The following RALYL variants were observed in gnomAD, a reference collection of about 807,000 sequenced individuals.
RALYL encodes the protein RNA-binding Raly-like protein.
RALYL carries 29 observed loss-of-function variants against 35.1 expected under a neutral mutation model. The observed-to-expected ratio is 0.83, with a 90% CI of 0.61 to 1.13. The LOEUF (loss-of-function observed/expected upper bound fraction) is 1.13, where lower values mean the gene tolerates loss of function less well. RALYL is among the 50% of genes most tolerant of loss of function. The pLI, the probability that RALYL is intolerant of heterozygous loss-of-function variation, is 0.00. For missense variants in RALYL, 359 were observed against 360.4 expected (o/e 1.00, Z 0.03); for synonymous variants, 120 against 127.6 (o/e 0.94, Z 0.40).
At chr8:84,185,469 C>T (rs748107129) in intron 1 of RALYL, among the ~76,000 whole-genome samples, 1 of 152,100 alleles carries the variant, frequency 6.6e-6, no homozygotes, top group Non-Finnish European at 1.5e-5. Context: ...TATAATTTAG[C>T]ATTACTTTTC....
At chr8:84,837,911 C>A (rs954584192) in intron 4 of RALYL, among the ~76,000 whole-genome samples, 5 of 152,136 alleles carry the variant, frequency 3.3e-5, no homozygotes, top group African/African-American at 7.2e-5. Context: ...GCAATAGAAA[C>A]CTCAGCATTT....
intron 2 of RALYL, among the ~76,000 whole-genome samples, chr8:84,755,507 T>TGATG (rs1811174794): frequency 6.6e-6 from 1 of 152,186 alleles, no homozygotes; most frequent in Admixed American, 6.6e-5. Context: ...TGGACTTCAG[T>TGATG]TCAGTCCTGT....
intron 1 of RALYL, among the ~76,000 whole-genome samples, chr8:84,400,578 A>G (rs1237213607): frequency 2.6e-5 from 4 of 152,206 alleles, no homozygotes; most frequent in Non-Finnish European, 5.9e-5. Flanking sequence ...GATGGTGGCT[A>G]AGGAAGGGAA....
At chr8:84,670,799 T>C (rs1833059530) in intron 2 of RALYL, among the ~76,000 whole-genome samples, 1 of 152,186 alleles carries the variant, frequency 6.6e-6, no homozygotes, top group Non-Finnish European at 1.5e-5. Context: ...TAATTCAAGA[T>C]GAGATTTGGG....
intron 1 of RALYL, among the ~76,000 whole-genome samples, chr8:84,326,904 A>G (rs1331588737): frequency 6.6e-6 from 1 of 152,138 alleles, no homozygotes. Flanking sequence ...CTAGGCATCC[A>G]TGTACTTGTC....
chr8:84,917,063 C>A (rs1423238729), intron 8 of RALYL, among the ~76,000 whole-genome samples: 1 of 152,054 alleles, frequency 6.6e-6, no homozygotes, highest in African/African-American at 2.4e-5. Flanking sequence ...TATACAGTAA[C>A]TTAAATTCTA....
At chr8:84,425,026 A>T (rs1212767085) in intron 1 of RALYL, among the ~76,000 whole-genome samples, 1 of 152,152 alleles carries the variant, frequency 6.6e-6, no homozygotes, top group South Asian at 2.1e-4. Context: ...CTGCCCCCAG[A>T]GGTGGAGCCT....
intron 4 of RALYL, among the ~76,000 whole-genome samples, chr8:84,833,153 G>A (rs934444016): frequency 5.9e-5 from 9 of 152,018 alleles, no homozygotes; most frequent in Admixed American, 5.2e-4. Flanking sequence ...TTTTTATATA[G>A]GGTCATTGTC....
At chr8:84,836,668 T>C (rs2134479377) in intron 4 of RALYL, among the ~76,000 whole-genome samples, 1 of 152,300 alleles carries the variant, frequency 6.6e-6, no homozygotes, top group Non-Finnish European at 1.5e-5. Context: ...AGTTTGTAAA[T>C]TTGTTTAACT....
chr8:84,573,133 C>A (rs1168615745), intron 2 of RALYL, among the ~76,000 whole-genome samples: 1 of 150,602 alleles, frequency 6.6e-6, no homozygotes, highest in Non-Finnish European at 1.5e-5. Context: ...TATTTTTTTA[C>A]TTTATCCCTT....
chr8:84,483,150 T>C (rs895201873), intron 1 of RALYL, among the ~76,000 whole-genome samples: 3 of 152,126 alleles, frequency 2.0e-5, no homozygotes, highest in Non-Finnish European at 4.4e-5. Context: ...AAAATAGAGA[T>C]AACATTGTTT....
chr8:84,443,825 C>A (rs2048585757), intron 1 of RALYL, among the ~76,000 whole-genome samples: 1 of 152,082 alleles, frequency 6.6e-6, no homozygotes, highest in Admixed American at 6.6e-5. Context: ...GCTTCACCTA[C>A]TTCTTAATTA....
chr8:84,259,310 C>T (rs188879456), intron 1 of RALYL, among the ~76,000 whole-genome samples: 2 of 152,244 alleles, frequency 1.3e-5, no homozygotes, highest in Admixed American at 1.3e-4. Context: ...CTCTAAATTC[C>T]CCTCCAACTT....
At chr8:84,626,679 G>A (rs922047631) in intron 2 of RALYL, among the ~76,000 whole-genome samples, 1 of 152,058 alleles carries the variant, frequency 6.6e-6, no homozygotes, top group Non-Finnish European at 1.5e-5. Flanking sequence ...CACTGAAAAA[G>A]CATAAATATA....
Position 84,774,581 on chromosome 8 carries a change from A to G in RALYL, c.259A>G (p.Ile87Val), listed in dbSNP as rs878967810. ...ACTGTTTTATTTTATGCTTTCAGAT[A>G]TCAACATGGCAGGAGAGCCCAAACC... is the stretch of plus-strand genomic sequence containing the variant. The part of the protein sequence containing the change: ...ARVIAGQPLD[I>V]NMAGEPKPYR... Residue 87 changes from isoleucine (I) to valine (V), a missense_variant and splice_region_variant, in exon 3 of 9, where the codon ATC (isoleucine) becomes GTC (valine). Coordinates refer to ENST00000521268, the MANE Select transcript of RALYL (RefSeq NM_173848.7). The G allele has an allele frequency of 6.2e-7, 1 of 1,600,666 alleles. No homozygotes were observed. Among genetic ancestry groups the G allele is most frequent in the South Asian group, 1.1e-5 (1 of 89,012 alleles).
At chr8:84,398,051 A>G (rs16912786) in intron 1 of RALYL, among the ~76,000 whole-genome samples, 1 of 152,314 alleles carries the variant, frequency 6.6e-6, no homozygotes, top group South Asian at 2.1e-4. Context: ...TGCAACAAGA[A>G]GTGTTAAATG....
chr8:84,919,479 G>A (rs369668987), intron 8 of RALYL, among the ~76,000 whole-genome samples: 2 of 152,030 alleles, frequency 1.3e-5, no homozygotes, highest in East Asian at 3.9e-4. Context: ...TCGAACCTTT[G>A]TGCCTTAAGT....
At chr8:84,694,404 G>C (rs1471983546) in intron 2 of RALYL, among the ~76,000 whole-genome samples, 2 of 151,844 alleles carry the variant, frequency 1.3e-5, no homozygotes, top group Non-Finnish European at 2.9e-5. Context: ...ATTTAAGCAA[G>C]GAGGTGAAAC....
At chr8:84,720,584 G>T (rs773687775) in intron 2 of RALYL, among the ~76,000 whole-genome samples, 5 of 152,098 alleles carry the variant, frequency 3.3e-5, no homozygotes, top group Non-Finnish European at 7.4e-5. Flanking sequence ...TCTGGGCAAA[G>T]ATTTTTTGAA....
Sources: gnomAD v4.1 joint callset for allele counts (sites outside exome capture counted in the v4.1 genomes callset) on GRCh38, gnomAD v4.1.1 for gene constraint, MANE v1.5 for transcripts, NCBI Gene and HGNC (gene_info 2026-07-23, HGNC 2026-07-21) for gene names.